The following RIMBP2 variants were observed in gnomAD, a reference collection of about 807,000 sequenced individuals.
RIMBP2 encodes RIMS binding protein 2.
A neutral mutation model predicts 118.6 loss-of-function variants in RIMBP2; 48 were observed. The observed-to-expected ratio is 0.40, with a 90% CI of 0.32 to 0.51. The LOEUF is 0.51. RIMBP2 is among the 20% of genes least tolerant of loss of function. The pLI is 0.41. For missense variants in RIMBP2, 1,551 were observed against 1,768.3 expected, an observed-to-expected ratio of 0.88 and a Z score of 2.20; for synonymous variants, 762 against 742.9, an observed-to-expected ratio of 1.03 and a Z score of -0.42.
intron 2 of RIMBP2, among the ~76,000 whole-genome samples, chr12:130,614,923 CTA>C (rs1329386584): frequency 2.0e-5 from 3 of 148,372 alleles, no homozygotes; most frequent in Non-Finnish European, 3.0e-5. Flanking sequence ...GTTTTATAAA[CTA>C]TATACATATT....
At chr12:130,499,237 C>T (rs1408537376) in intron 4 of RIMBP2, among the ~76,000 whole-genome samples, 1 of 152,130 alleles carries the variant, frequency 6.6e-6, no homozygotes, top group Non-Finnish European at 1.5e-5. Context: ...GGTCTCTTCC[C>T]CAACATTGAG....
intron 1 of RIMBP2, among the ~76,000 whole-genome samples, chr12:130,666,538 G>T (rs969007586): frequency 6.6e-6 from 1 of 152,126 alleles, no homozygotes. Context: ...TTTCACTATC[G>T]CCTGCTGTGA....
intron 2 of RIMBP2, among the ~76,000 whole-genome samples, chr12:130,611,264 C>G (rs2060527927): frequency 6.6e-6 from 1 of 152,224 alleles, no homozygotes. Flanking sequence ...GTCCCCACGT[C>G]CCCCAGACCC....
At chr12:130,564,554 T>C (rs960516972) in intron 2 of RIMBP2, among the ~76,000 whole-genome samples, 1 of 152,150 alleles carries the variant, frequency 6.6e-6, no homozygotes, top group Admixed American at 6.5e-5. Context: ...ATACATACAA[T>C]GGAATATTAT....
chr12:130,704,230 C>T (rs2065989762), intron 1 of RIMBP2, among the ~76,000 whole-genome samples: 1 of 151,988 alleles, frequency 6.6e-6, no homozygotes, highest in Non-Finnish European at 1.5e-5. Context: ...CAACTCAACC[C>T]GCGTCCCAAA....
In RIMBP2 at chr12:130,470,594, C is replaced by T. The variant is rs555676806; in HGVS notation, c.153+99G>A. On this transcript the variant is annotated intron_variant, in intron 6 of 22. Transcript: ENST00000690449. ...GGCATCTAGTAACTGGTGCACCAGG[C>T]GCACTTCATAAACATCATCTATTAT... 36 of 608,930 alleles carry T rather than the reference C, an allele frequency of 5.9e-5. No individual in the cohort carries two copies. The South Asian group carries it at 2.3e-3, about 39-fold the overall frequency. 37.7% of individuals were successfully genotyped at this position (608,930 alleles called of 1,614,324 possible). A position where few individuals can be genotyped will look rare whatever the true frequency, so the allele number is the denominator to read the frequency against.
rs1384521872 is a variant in RIMBP2, at chr12:130,663,448, C to CT, written c.-351-34993dup. On this transcript the variant is annotated intron_variant, in intron 1 of 22. Transcript: ENST00000690449. ...GAAAGCTTTTATTTCTTAAAATTGC[C>CT]TTTTTTTCCACTGAAAACAGGAAGA... Among the ~76,000 whole-genome samples the CT allele has an allele frequency of 6.7e-5, 10 of 148,320 alleles. No individual in the cohort carries two copies. The East Asian group carries it at 1.5e-3, about 23-fold the overall frequency.
intron 22 of RIMBP2, 30 bp from the exon 23 acceptor site, chr12:130,397,579 G>C (rs1225308950): frequency 2.5e-5 from 10 of 398,730 alleles, no homozygotes; most frequent in Non-Finnish European, 4.0e-5. Context: ...AGTTTATTGA[G>C]TGTGTGAGCG....
At chr12:130,639,715 G>A (rs761995108) in intron 1 of RIMBP2, among the ~76,000 whole-genome samples, 2 of 152,130 alleles carry the variant, frequency 1.3e-5, no homozygotes. Context: ...CCCAGTCCCC[G>A]AATGGCACCT....
chr12:130,405,474 G>T (rs1005440468), intron 21 of RIMBP2, among the ~76,000 whole-genome samples: 1 of 152,184 alleles, frequency 6.6e-6, no homozygotes, highest in African/African-American at 2.4e-5. Flanking sequence ...TGGGCTCTGC[G>T]CAGGGTCCTA....
At chr12:130,655,407 G>C (rs923839378) in intron 1 of RIMBP2, among the ~76,000 whole-genome samples, 2 of 152,148 alleles carry the variant, frequency 1.3e-5, no homozygotes, top group African/African-American at 4.8e-5. Context: ...GTGGGAGAGA[G>C]GAAGACAGGA....
chr12:130,438,012 G>A (rs906764586), intron 12 of RIMBP2, among the ~76,000 whole-genome samples: 1 of 152,206 alleles, frequency 6.6e-6, no homozygotes, highest in Non-Finnish European at 1.5e-5. Flanking sequence ...ATCTTAAGGC[G>A]GGACGCGCCT....
intron 1 of RIMBP2, among the ~76,000 whole-genome samples, chr12:130,714,027 A>G (rs1950151837): frequency 6.6e-6 from 1 of 152,180 alleles, no homozygotes; most frequent in Non-Finnish European, 1.5e-5. Flanking sequence ...AGAGGTTCTG[A>G]GATTTGTAGC....
intron 2 of RIMBP2, among the ~76,000 whole-genome samples, chr12:130,520,513 CACACA>C (rs1164090287): frequency 6.6e-6 from 1 of 151,782 alleles, no homozygotes; most frequent in Non-Finnish European, 1.5e-5. Flanking sequence ...AACACACACA[CACACA>C]AAAATTAGCC....
intron 1 of RIMBP2, among the ~76,000 whole-genome samples, chr12:130,634,240 G>A (rs1263193753): frequency 2.0e-5 from 3 of 152,172 alleles, no homozygotes; most frequent in African/African-American, 7.2e-5. Flanking sequence ...GAGCGGAGAC[G>A]GGGAGGCGGG....
intron 1 of RIMBP2, among the ~76,000 whole-genome samples, chr12:130,701,989 C>G (rs1375222478): frequency 6.6e-6 from 1 of 152,074 alleles, no homozygotes; most frequent in African/African-American, 2.4e-5. Context: ...TAATGCGGCA[C>G]GAAAGAGGCC....
intron 1 of RIMBP2, among the ~76,000 whole-genome samples, chr12:130,698,231 T>G (rs574447105): frequency 1.3e-5 from 2 of 152,276 alleles, no homozygotes; most frequent in South Asian, 2.1e-4. Context: ...CAACCGTGAC[T>G]TAGTGAAGCC....
At chr12:130,685,668 G>A (rs7954259) in intron 1 of RIMBP2, among the ~76,000 whole-genome samples, 8,563 of 152,130 alleles carry the variant, frequency 0.056, 799 homozygotes, top group African/African-American at 0.19. Flanking sequence ...CTGAGCCCTT[G>A]AACGGCTCAG....
rs1368740764 is a variant in RIMBP2 at position 130,446,479 on chromosome 12, G to A, written c.582-1210C>T. ...GAGACCTCCTGACCCGTCCTGCGCA[G>A]TTTTAACCACACCAGGTCACGTGGC... On this transcript the variant is annotated intron_variant, in intron 9 of 22. Transcript: ENST00000690449. This position sits in a 1 kb window ranked among gnomAD's most constrained non-coding sequence, Gnocchi z 4.1. Among the ~76,000 whole-genome samples the A allele has an allele frequency of 6.6e-6, 1 of 152,226 alleles. No homozygotes were observed. The highest frequency in any genetic ancestry group is 1.5e-5 in the Non-Finnish European group (1 of 68,050).
Sources: allele counts gnomAD v4.1 joint callset (sites outside exome capture counted in the v4.1 genomes callset), GRCh38; gene constraint gnomAD v4.1.1; non-coding constraint Gnocchi (gnomAD v3.1); transcripts MANE v1.5; gene names NCBI Gene and HGNC (gene_info 2026-07-23, HGNC 2026-07-21).